Variants in MYMX observed in about 807,000 individuals in gnomAD.
The protein encoded by MYMX is myomixer, myoblast fusion factor.
chr6:44,217,210 T>A (rs143472459), intron 1 of MYMX, among the ~76,000 whole-genome samples: 26 of 152,190 alleles, frequency 1.7e-4, no homozygotes, highest in Non-Finnish European at 3.4e-4. Context: ...CGGCAAGCTG[T>A]AGGTCTTGGT....
upstream of MYMX, among the ~76,000 whole-genome samples, chr6:44,215,766 G>A (rs1299806266): frequency 1.3e-5 from 2 of 151,626 alleles, no homozygotes; most frequent in Non-Finnish European, 2.9e-5. Flanking sequence ...ATCGTGGCGG[G>A]TGCCTGTAAT....
chr6:44,212,176 C>T (rs1018132787), upstream of MYMX, among the ~76,000 whole-genome samples: 1 of 151,366 alleles, frequency 6.6e-6, no homozygotes, highest in African/African-American at 2.4e-5. Flanking sequence ...TGGGCTGAGG[C>T]GGGAGGGTCA....
chr6:44,210,083 C>G, the MYMX span: 1 of 147,530 alleles, frequency 6.8e-6, no homozygotes, highest in Non-Finnish European at 1.5e-5. Flanking sequence ...GTAGCTGGGA[C>G]TACAGGCACC....
chr6:44,205,994 AAAAC>A, the MYMX span, among the ~76,000 whole-genome samples: 8 of 66,884 alleles, frequency 1.2e-4, 1 homozygote, highest in Admixed American at 1.3e-4. Flanking sequence ...AAAAAAAAAC[AAAAC>A]AAAAAAAAAC....
chr6:44,208,959 GCT>G, the MYMX span, among the ~76,000 whole-genome samples: 1 of 152,140 alleles, frequency 6.6e-6, no homozygotes, highest in East Asian at 1.9e-4. Context: ...AGGCTCTCCT[GCT>G]CTCTCTCACT....
chr6:44,214,819 C>T (rs1775773723), upstream of MYMX, among the ~76,000 whole-genome samples: 1 of 152,156 alleles, frequency 6.6e-6, no homozygotes, highest in Non-Finnish European at 1.5e-5. Context: ...ATGATCCACT[C>T]ACCTTAGCCT....
At chr6:44,213,099 T>C (rs1023299472), upstream of MYMX, among the ~76,000 whole-genome samples, 1 of 152,098 alleles carries the variant, frequency 6.6e-6, no homozygotes, top group Admixed American at 6.5e-5. Flanking sequence ...TGAAAAGAGA[T>C]TGCTGGCTGT....
chr6:44,210,240 C>T, the MYMX span, among the ~76,000 whole-genome samples: 497 of 151,040 alleles, frequency 3.3e-3, 4 homozygotes, highest in African/African-American at 0.011. Flanking sequence ...CCACCGGGCC[C>T]GGCCAATATA....
the MYMX span, among the ~76,000 whole-genome samples, chr6:44,195,271 T>C: frequency 1.3e-5 from 2 of 152,082 alleles, no homozygotes; most frequent in Non-Finnish European, 2.9e-5. Context: ...TGCCCACCTC[T>C]GCCTCCCAAA....
chr6:44,208,883 A>C, the MYMX span, among the ~76,000 whole-genome samples: 1 of 152,196 alleles, frequency 6.6e-6, no homozygotes, highest in Non-Finnish European at 1.5e-5. Context: ...TCTTCTACAC[A>C]GTGGCAGATC....
the MYMX span, among the ~76,000 whole-genome samples, chr6:44,194,140 A>G: frequency 3.3e-5 from 5 of 152,248 alleles, no homozygotes; most frequent in Admixed American, 3.3e-4. Context: ...AATACTCATC[A>G]GGTGAACTAA....
At chr6:44,197,746 GATTAT>G in the MYMX span, among the ~76,000 whole-genome samples, 3 of 151,962 alleles carry the variant, frequency 2.0e-5, no homozygotes, top group Non-Finnish European at 2.9e-5. Context: ...TTTTCTTATT[GATTAT>G]ATTATATTAT....
At chr6:44,199,069 C>T in the MYMX span, among the ~76,000 whole-genome samples, 1 of 152,174 alleles carries the variant, frequency 6.6e-6, no homozygotes, top group Non-Finnish European at 1.5e-5. Flanking sequence ...TGTTTCTAAT[C>T]TCTCTATTCT....
the MYMX span, among the ~76,000 whole-genome samples, chr6:44,204,438 C>T: frequency 2.0e-5 from 3 of 152,202 alleles, no homozygotes; most frequent in African/African-American, 7.2e-5. Context: ...CAAAACAGAA[C>T]TGCCAGTGAC....
At chr6:44,202,965 C>G in the MYMX span, among the ~76,000 whole-genome samples, 14 of 152,312 alleles carry the variant, frequency 9.2e-5, no homozygotes, top group Non-Finnish European at 1.9e-4. Flanking sequence ...TGGGCCTTAC[C>G]CCAGGGTCCA....
the MYMX span, among the ~76,000 whole-genome samples, chr6:44,201,732 C>T: frequency 6.6e-6 from 1 of 152,224 alleles, no homozygotes; most frequent in African/African-American, 2.4e-5. Context: ...AGACACCTAC[C>T]TGGTAGCCAA....
At chr6:44,201,951 C>T in the MYMX span, among the ~76,000 whole-genome samples, 18 of 152,296 alleles carry the variant, frequency 1.2e-4, no homozygotes, top group Admixed American at 1.0e-3. Flanking sequence ...GAGCGACCAA[C>T]TCAGAAGCAC....
chr6:44,213,855 G>C (rs568826835), upstream of MYMX, among the ~76,000 whole-genome samples: 1 of 152,302 alleles, frequency 6.6e-6, no homozygotes, highest in African/African-American at 2.4e-5. Context: ...CTGTCACCCA[G>C]GCTGCTGTGC....
At chr6:44,195,310 C>A in the MYMX span, among the ~76,000 whole-genome samples, 5 of 152,102 alleles carry the variant, frequency 3.3e-5, no homozygotes. Context: ...CAAGCTACCA[C>A]GCCTGGCCAC....
Sources: allele counts gnomAD v4.1 joint callset (sites outside exome capture counted in the v4.1 genomes callset), GRCh38; gene constraint gnomAD v4.1.1; transcripts MANE v1.5; gene names NCBI Gene and HGNC (gene_info 2026-07-23, HGNC 2026-07-21).